Variants in ANK2 observed in about 807,000 individuals in gnomAD.
The protein encoded by ANK2 is ankyrin 2.
In ANK2, 83 loss-of-function variants were observed where a neutral mutation model predicts 360.5. The observed-to-expected ratio is 0.23, with a 90% CI of 0.19 to 0.28. The LOEUF is 0.28. Ranked by LOEUF, ANK2 falls within the 10% of genes least tolerant of loss-of-function variation. The pLI is 1.00. For missense variants in ANK2, 4,201 were observed against 4,795.7 expected (o/e 0.88, Z 3.66); for synonymous variants, 1,740 against 1,759.5 (o/e 0.99, Z 0.28).
At chr4:112,981,795 A>G (rs2043192743) in intron 2 of ANK2, among the ~76,000 whole-genome samples, 3 of 152,220 alleles carry the variant, frequency 2.0e-5, no homozygotes, top group Admixed American at 2.0e-4. Context: ...TGGAGATAGG[A>G]ATTTGGAATT....
At chr4:113,108,153 C>T (rs1020216231) in intron 1 of ANK2, among the ~76,000 whole-genome samples, 1 of 152,070 alleles carries the variant, frequency 6.6e-6, no homozygotes, top group African/African-American at 2.4e-5. Context: ...TAAAAATAAA[C>T]AATACCTATT....
At chr4:112,829,942 G>A (rs2059345509) in intron 1 of ANK2, among the ~76,000 whole-genome samples, 1 of 151,044 alleles carries the variant, frequency 6.6e-6, no homozygotes. Context: ...CTGGATAACA[G>A]AGTAAGACTC....
chr4:112,978,009 C>T lies in ANK2; in HGVS notation c.21+73495C>T, dbSNP rs184436764. ...CTGTAATCCCAGCACTTTGGGTGGC[C>T]GAGGTAGGTGGATCACCTGAGGTCA... On this transcript the variant is annotated intron_variant, in intron 2 of 30. Coordinates refer to the ANK2 transcript ENST00000503271. Among the ~76,000 whole-genome samples, 413 of 152,100 alleles carry T rather than the reference C, an allele frequency of 2.7e-3. 2 individuals carry two copies. Among genetic ancestry groups the T allele is most frequent in the African/African-American group, 9.5e-3 (394 of 41,494 alleles).
At chr4:113,206,292 G>A (rs1692403579) in intron 4 of ANK2, among the ~76,000 whole-genome samples, 1 of 152,024 alleles carries the variant, frequency 6.6e-6, no homozygotes, top group African/African-American at 2.4e-5. Flanking sequence ...CCCTCCCTGT[G>A]TCCATGCATT....
chr4:112,796,285 T>C, the ANK2 span, among the ~76,000 whole-genome samples: 1 of 151,856 alleles, frequency 6.6e-6, no homozygotes, highest in Non-Finnish European at 1.5e-5. Flanking sequence ...TAGCCAGATG[T>C]GGTGGTGCAT....
chr4:113,152,750 T>G lies in ANK2; in HGVS notation c.85-21666T>G, dbSNP rs2097142725. ...AGGGAGATTCTGTCTCTATATTAAT[T>G]TTTTTTTAAGTTTGATGGTGTGCAC... On this transcript the variant is annotated intron_variant, in intron 1 of 45. Transcript: ENST00000357077. 5.3e-5 allele frequency among the ~76,000 whole-genome samples: 8 copies of G among 151,898 alleles called. No homozygotes were observed. In the South Asian group the frequency reaches 1.5e-3, roughly 28 times the overall value.
intron 1 of ANK2, among the ~76,000 whole-genome samples, chr4:113,104,138 CT>C (rs2093322917): frequency 6.6e-6 from 1 of 152,136 alleles, no homozygotes; most frequent in Non-Finnish European, 1.5e-5. Flanking sequence ...ATAACTCCTA[CT>C]TAATGTTCCT....
At position 113,207,124 on chromosome 4, in the gene ANK2, C is replaced by T. The variant is rs79822984; in HGVS notation, c.384+8015C>T. Among the ~76,000 whole-genome samples, 1,348 of 152,300 alleles carry T rather than the reference C, an allele frequency of 8.9e-3. 10 individuals are homozygous for T. Among genetic ancestry groups the T allele is most frequent in the African/African-American group, 0.017 (688 of 41,566 alleles). Reference sequence around the variant, plus strand: ...AAGCGTGCACACGCACACACACACACACACTCCCACATCCTAAAAGACAAT... The same window carrying T: ...AAGCGTGCACACGCACACACACACATACACTCCCACATCCTAAAAGACAAT... On this transcript the variant is annotated intron_variant, in intron 4 of 45. Transcript: ENST00000357077.
At chr4:113,379,692 T>TTAAG (rs2097100880) in intron 45 of ANK2, among the ~76,000 whole-genome samples, 1 of 152,140 alleles carries the variant, frequency 6.6e-6, no homozygotes, top group African/African-American at 2.4e-5. Flanking sequence ...AAGAACAAAT[T>TTAAG]TAAGTTTGCT....
intron 1 of ANK2, among the ~76,000 whole-genome samples, chr4:113,081,481 C>A (rs2082372172): frequency 6.6e-6 from 1 of 152,112 alleles, no homozygotes. Flanking sequence ...CATTAGGAAC[C>A]ATTTAGTAAT....
At chr4:112,914,577 C>G (rs574529213) in intron 2 of ANK2, among the ~76,000 whole-genome samples, 1 of 152,134 alleles carries the variant, frequency 6.6e-6, no homozygotes, top group East Asian at 1.9e-4. Context: ...GCACTCCAGC[C>G]TAGGTGACAG....
intron 1 of ANK2, among the ~76,000 whole-genome samples, chr4:112,842,645 T>C (rs2062370124): frequency 6.6e-6 from 1 of 152,180 alleles, no homozygotes; most frequent in Non-Finnish European, 1.5e-5. Context: ...GAGAATCTAA[T>C]GCCACCACTG....
At chr4:113,197,581 A>G (rs2098767274) in intron 3 of ANK2, among the ~76,000 whole-genome samples, 1 of 152,208 alleles carries the variant, frequency 6.6e-6, no homozygotes, top group South Asian at 2.1e-4. Context: ...TGGAGTAAAC[A>G]AACAAACAAA....
intron 1 of ANK2, among the ~76,000 whole-genome samples, chr4:113,162,219 T>A (rs2097562974): frequency 6.6e-6 from 1 of 152,180 alleles, no homozygotes; most frequent in African/African-American, 2.4e-5. Flanking sequence ...ACAGCTTTTT[T>A]TTTTCTATAT....
chr4:112,827,447 A>G, intron 1 of ANK2: 1 of 1,378,098 alleles, frequency 7.3e-7, no homozygotes, highest in African/African-American at 1.4e-5. Flanking sequence ...GAGGGCTTAA[A>G]AGACAACCTT....
At chr4:113,341,238 GAA>G (rs2094264217) in intron 32 of ANK2, among the ~76,000 whole-genome samples, 1 of 152,154 alleles carries the variant, frequency 6.6e-6, no homozygotes, top group African/African-American at 2.4e-5. Flanking sequence ...AGATTTTGTT[GAA>G]AAGAGTTTCA....
chr4:113,099,750 A>G (rs1213532106), intron 1 of ANK2, among the ~76,000 whole-genome samples: 1 of 152,120 alleles, frequency 6.6e-6, no homozygotes, highest in African/African-American at 2.4e-5. Flanking sequence ...TAATCAAGAC[A>G]GTGTGGTACT....
intron 9 of ANK2, among the ~76,000 whole-genome samples, chr4:113,244,569 G>T (rs2041841136): frequency 6.6e-6 from 1 of 152,104 alleles, no homozygotes; most frequent in Admixed American, 6.6e-5. Context: ...ATATGAGCTG[G>T]TTCCAGCACA....
chr4:112,996,095 T>C (rs796652660), intron 2 of ANK2, among the ~76,000 whole-genome samples: 2 of 152,304 alleles, frequency 1.3e-5, no homozygotes, highest in African/African-American at 4.8e-5. Context: ...AACTGGTGAA[T>C]AGATAAAAAA....
Sources: gnomAD v4.1 joint callset for allele counts (sites outside exome capture counted in the v4.1 genomes callset) on GRCh38, gnomAD v4.1.1 for gene constraint, MANE v1.5 for transcripts, NCBI Gene and HGNC (gene_info 2026-07-23, HGNC 2026-07-21) for gene names.